The following NR2F1-AS1 variants were observed in gnomAD, a reference collection of about 807,000 sequenced individuals.
NR2F1-AS1 encodes NR2F1 regulatory antisense RNA 1.
chr5:93,537,968 G>A (rs1388979184), intron 4 of NR2F1-AS1, among the ~76,000 whole-genome samples: 1 of 152,160 alleles, frequency 6.6e-6, no homozygotes, highest in Non-Finnish European at 1.5e-5. Flanking sequence ...TCTCAAAGAT[G>A]TGCATGGTAG....
At chr5:93,453,517 T>C (rs546282942) in intron 4 of NR2F1-AS1, among the ~76,000 whole-genome samples, 1 of 151,946 alleles carries the variant, frequency 6.6e-6, no homozygotes, top group East Asian at 1.9e-4. Context: ...ATAATAATAA[T>C]ATCATAACAT....
intron 4 of NR2F1-AS1, chr5:93,411,171 A>T (rs1748848296): frequency 6.6e-6 from 1 of 152,214 alleles, no homozygotes; most frequent in Admixed American, 6.5e-5. Flanking sequence ...GCAGTGGTTC[A>T]CATATAGTAA....
At chr5:93,578,251 G>A (rs1752940566) in intron 1 of NR2F1-AS1, among the ~76,000 whole-genome samples, 1 of 152,192 alleles carries the variant, frequency 6.6e-6, no homozygotes, top group Non-Finnish European at 1.5e-5. Context: ...AATTTACTGG[G>A]TGGCAAGCTG....
intron 4 of NR2F1-AS1, among the ~76,000 whole-genome samples, chr5:93,445,540 T>A (rs1250757325): frequency 1.3e-5 from 2 of 152,068 alleles, no homozygotes; most frequent in African/African-American, 4.8e-5. Context: ...GGCTCTGAAA[T>A]TGAGGCAATA....
chr5:93,493,328 C>A (rs1468146701), intron 4 of NR2F1-AS1, among the ~76,000 whole-genome samples: 1 of 151,826 alleles, frequency 6.6e-6, no homozygotes. Context: ...ATACATTTAA[C>A]CAAGGAAGTG....
intron 1 of NR2F1-AS1, among the ~76,000 whole-genome samples, chr5:93,572,880 G>T (rs897396672): frequency 6.6e-6 from 1 of 152,214 alleles, no homozygotes; most frequent in Admixed American, 6.5e-5. Flanking sequence ...GTTATCTCCC[G>T]CTGAGAGGCG....
At chr5:93,496,424 A>G (rs1317509110) in intron 4 of NR2F1-AS1, among the ~76,000 whole-genome samples, 1 of 152,180 alleles carries the variant, frequency 6.6e-6, no homozygotes, top group Non-Finnish European at 1.5e-5. Flanking sequence ...TGGCCCTTGT[A>G]GAAGGACACA....
At position 93,458,947 on chromosome 5, in the gene NR2F1-AS1, G is replaced by C. The variant is rs1297314628; in HGVS notation, n.639-63405C>G. Among the ~76,000 whole-genome samples the C allele has an allele frequency of 2.6e-5, 4 of 151,384 alleles. No individual in the cohort carries two copies. The East Asian group carries it at 7.8e-4, about 30-fold the overall frequency. On this transcript the variant is annotated intron_variant and non_coding_transcript_variant, in intron 4 of 5. Transcript: ENST00000660523. ...GAATCGCTTGAACACAGGAGGCAAA[G>C]GTTGCAGTGAGCCGAGATCACACCA...
chr5:93,559,259 C>A (rs1752432270), intron 2 of NR2F1-AS1, among the ~76,000 whole-genome samples: 1 of 152,204 alleles, frequency 6.6e-6, no homozygotes, highest in South Asian at 2.1e-4. Context: ...CACTTCTCTC[C>A]TTAAGCCTCA....
In NR2F1-AS1 at chr5:93,424,535, A is replaced by G. The variant is rs865789900; in HGVS notation, n.639-28993T>C. On this transcript the variant is annotated intron_variant and non_coding_transcript_variant, in intron 4 of 5. Coordinates refer to ENST00000660523, the Ensembl canonical transcript of NR2F1-AS1. ...TTCCTCAAGAACACATTTCAAGTGT[A>G]TCTACCTACCATTTACTATATCCCA... is the stretch of plus-strand genomic sequence containing the variant. 2.0e-4 allele frequency among the ~76,000 whole-genome samples: 31 copies of G among 151,990 alleles called. 1 individual carries two copies. Among genetic ancestry groups the G allele is most frequent in the Admixed American group, 1.3e-3 (20 of 15,240 alleles).
At chr5:93,450,448 A>G (rs957805209) in intron 4 of NR2F1-AS1, among the ~76,000 whole-genome samples, 1 of 152,132 alleles carries the variant, frequency 6.6e-6, no homozygotes, top group Non-Finnish European at 1.5e-5. Context: ...GTGCCTCCAA[A>G]TTGGTAATTT....
chr5:93,441,573 G>C (rs987820651), intron 4 of NR2F1-AS1, among the ~76,000 whole-genome samples: 9 of 152,190 alleles, frequency 5.9e-5, no homozygotes, highest in African/African-American at 2.2e-4. Context: ...AATGATTTCA[G>C]AAAGATCAAG....
chr5:93,556,648 A>G (rs1196145435), intron 2 of NR2F1-AS1, among the ~76,000 whole-genome samples: 4 of 152,214 alleles, frequency 2.6e-5, no homozygotes, highest in Non-Finnish European at 5.9e-5. Flanking sequence ...AGAGACAGAC[A>G]TGCACACAGG....
chr5:93,554,714 AG>A (rs1322546326), intron 3 of NR2F1-AS1, among the ~76,000 whole-genome samples: 2 of 152,220 alleles, frequency 1.3e-5, no homozygotes, highest in Non-Finnish European at 2.9e-5. Context: ...AAAAATAACA[AG>A]GCATAGTACA....
At chr5:93,488,945 G>A (rs913240734) in intron 4 of NR2F1-AS1, among the ~76,000 whole-genome samples, 6 of 152,144 alleles carry the variant, frequency 3.9e-5, no homozygotes, top group Non-Finnish European at 8.8e-5. Flanking sequence ...CATGTCCTTT[G>A]CAGTGACATG....
intron 4 of NR2F1-AS1, among the ~76,000 whole-genome samples, chr5:93,446,859 A>G (rs1172716196): frequency 6.6e-6 from 1 of 152,214 alleles, no homozygotes; most frequent in Non-Finnish European, 1.5e-5. Context: ...ACAGAGATAC[A>G]GACCAATGGT....
intron 4 of NR2F1-AS1, among the ~76,000 whole-genome samples, chr5:93,423,764 C>T (rs1749139682): frequency 6.6e-6 from 1 of 152,176 alleles, no homozygotes; most frequent in African/African-American, 2.4e-5. Flanking sequence ...AAGTACTATA[C>T]TTTCATGAGT....
chr5:93,457,041 G>A (rs1055671884), intron 4 of NR2F1-AS1, among the ~76,000 whole-genome samples: 4 of 152,102 alleles, frequency 2.6e-5, no homozygotes, highest in East Asian at 1.9e-4. Flanking sequence ...ATATACAATC[G>A]GGTTTTACAC....
At chr5:93,416,693 G>T (rs1178671947) in intron 4 of NR2F1-AS1, among the ~76,000 whole-genome samples, 1 of 152,022 alleles carries the variant, frequency 6.6e-6, no homozygotes. Flanking sequence ...CTTTCCTAGG[G>T]CCACATAGCT....
Sources: gnomAD v4.1 joint callset for allele counts (sites outside exome capture counted in the v4.1 genomes callset) on GRCh38, gnomAD v4.1.1 for gene constraint, MANE v1.5 for transcripts, NCBI Gene and HGNC (gene_info 2026-07-23, HGNC 2026-07-21) for gene names.